Variants in NSMCE4A observed in about 807,000 individuals in gnomAD.
NSMCE4A encodes the protein NSE4A component of SMC5/6 complex.
A neutral mutation model predicts 47.9 loss-of-function variants in NSMCE4A; 40 were observed. The observed-to-expected ratio is 0.83, with a 90% CI of 0.65 to 1.09. The LOEUF (loss-of-function observed/expected upper bound fraction) is 1.09. Ranked by LOEUF, NSMCE4A falls within the 50% of genes least tolerant of loss-of-function variation. The pLI is 0.00. For missense variants in NSMCE4A, 500 were observed against 507.0 expected (o/e 0.99, Z 0.13); for synonymous variants, 166 against 178.5 (o/e 0.93, Z 0.56).
At chr10:121,962,125 AAAT>A (rs1322023023) in intron 6 of NSMCE4A, 13 of 390,634 alleles carry the variant, frequency 3.3e-5, no homozygotes, top group East Asian at 1.8e-4. Flanking sequence ...AAAAAAAAAA[AAAT>A]AGGAACTTGG....
chr10:121,968,906 A>G (rs897492595), intron 3 of NSMCE4A, among the ~76,000 whole-genome samples: 4 of 152,182 alleles, frequency 2.6e-5, no homozygotes, highest in African/African-American at 9.6e-5. Context: ...CTGACAGAGA[A>G]ATCCACCAAT....
At chr10:121,961,874 T>C (rs938862581) in intron 6 of NSMCE4A, 2 of 214,122 alleles carry the variant, frequency 9.3e-6, no homozygotes, top group African/African-American at 4.8e-5. Context: ...AGGCCGATGC[T>C]GGCAGATCAC....
intron 2 of NSMCE4A, among the ~76,000 whole-genome samples, chr10:121,972,251 G>C (rs558922616): frequency 9.2e-5 from 14 of 152,136 alleles, no homozygotes; most frequent in Non-Finnish European, 1.8e-4. Flanking sequence ...TAACCTGGGG[G>C]GGGCAGAGGT....
At chr10:121,959,833 G>A (rs1952466315) in intron 8 of NSMCE4A, 1 of 537,892 alleles carries the variant, frequency 1.9e-6, no homozygotes, top group Non-Finnish European at 3.3e-6. Context: ...CCAGACATTT[G>A]AAAATCTGCA....
intron 10 of NSMCE4A, among the ~76,000 whole-genome samples, 162 bp downstream of exon 10, chr10:121,959,162 C>T (rs951635113): frequency 1.3e-5 from 2 of 152,106 alleles, no homozygotes; most frequent in Non-Finnish European, 2.9e-5. Flanking sequence ...GAGAAGGGAA[C>T]GCAGAACCAC....
intron 4 of NSMCE4A, 107 bp from the exon 5 acceptor site, chr10:121,965,492 A>C (rs1046646945): frequency 1.3e-6 from 1 of 766,202 alleles, no homozygotes; most frequent in African/African-American, 1.7e-5. Flanking sequence ...TTCAGACCAG[A>C]CATCAGTGAT....
chr10:121,963,869 C>G lies in NSMCE4A; in HGVS notation c.754-541G>C, dbSNP rs556758700. 4.0e-5 allele frequency among the ~76,000 whole-genome samples: 6 copies of G among 150,216 alleles called. No individual in the cohort carries two copies. In the South Asian group the frequency reaches 1.3e-3, roughly 32 times the overall value. ...ATCCCTGCGCTGTAGGAGGCTGAGG[C>G]AGGTGGATCACAAGGTCAGGAGTTC... is the stretch of plus-strand genomic sequence containing the variant. On this transcript the variant is annotated intron_variant, in intron 5 of 10. Transcript: ENST00000369023.
Position 121,960,373 on chromosome 10 carries a change from G to A in NSMCE4A, c.973C>T (p.Arg325Ter), listed in dbSNP as rs568726860. 3 of 1,490,128 alleles carry A rather than the reference G, an allele frequency of 2.0e-6. No individual in the cohort carries two copies. Among genetic ancestry groups the A allele is most frequent in the Admixed American group, 2.8e-5 (1 of 35,248 alleles). The allele number at this position is 1,490,128 out of a possible 1,614,324, so 92.3% of individuals were successfully genotyped here. ...GFARIRLDQD[R>*]LPVIEPVSIN... ...TATCATTTACCTATTACTGGCAGTC[G>A]GTCTTGGTCAAGTCTTATTCTTGCA... The change falls in exon 8 of 11, where the codon CGA becomes TGA. Residue 325 changes from arginine to a stop codon, truncating the protein, a stop_gained. Transcript: ENST00000369023. LOFTEE classifies it high-confidence loss of function. This position sits in a 1 kb window ranked among gnomAD's most constrained non-coding sequence, Gnocchi z 4.2.
intron 8 of NSMCE4A, 34 bp from the exon 9 acceptor site, chr10:121,959,629 A>G (rs1952462249): frequency 6.8e-7 from 1 of 1,480,672 alleles, no homozygotes; most frequent in African/African-American, 1.4e-5. Context: ...AATTTATCAA[A>G]GGTTATTAAA....
intron 1 of NSMCE4A, 50 bp downstream of exon 1, chr10:121,974,824 C>A: frequency 2.3e-6 from 3 of 1,323,066 alleles, no homozygotes; most frequent in Non-Finnish European, 2.9e-6. Flanking sequence ...CGGCGCAGGG[C>A]GGGGACAGCG....
Position 121,975,127 on chromosome 10 carries a change from CCGGCCCTCTGGCCCG to C in NSMCE4A, c.24_38del (p.Pro10_Gly14del). On this transcript the variant is annotated inframe_deletion, in exon 1 of 11. Transcript: ENST00000369023. The stretch of plus-strand genomic sequence containing the variant: ...CCCGATGCGGGTCGCGGCCCCGGCC[CCGGCCCTCTGGCCCG>C]CGGCCGCTGCTGTCCCCAGACATAG... 1 of 1,420,220 alleles carries C rather than the reference CCGGCCCTCTGGCCCG, an allele frequency of 7.0e-7. No homozygotes were observed. The highest frequency in any genetic ancestry group is 1.5e-5 in the African/African-American group (1 of 65,988). 88.0% of individuals were successfully genotyped at this position (1,420,220 alleles called of 1,614,324 possible).
intron 2 of NSMCE4A, among the ~76,000 whole-genome samples, chr10:121,972,183 A>G (rs546674642): frequency 8.1e-4 from 124 of 152,214 alleles, no homozygotes; most frequent in Non-Finnish European, 1.6e-3. Flanking sequence ...TTAGCTGGGC[A>G]TGGTGGTGCA....
At chr10:121,963,165 G>T in intron 6 of NSMCE4A, 73 bp downstream of exon 6, 1 of 766,438 alleles carries the variant, frequency 1.3e-6, no homozygotes, top group Non-Finnish European at 2.2e-6. Flanking sequence ...AGCTGAAATT[G>T]CCTTTTAAAT....
At chr10:121,964,434 C>CTGTGCCTGGCCTCAGTAACATTTT (rs1181981117) in intron 5 of NSMCE4A, among the ~76,000 whole-genome samples, 8 of 150,732 alleles carry the variant, frequency 5.3e-5, no homozygotes, top group East Asian at 4.0e-4. Context: ...GCGTAAGCCA[C>CTGTGCCTGGCCTCAGTAACATTTT]CACACTCGGG....
Position 121,960,656 on chromosome 10 carries a change from C to G in NSMCE4A, c.940-250G>C, listed in dbSNP as rs947293798. Among the ~76,000 whole-genome samples the G allele has an allele frequency of 6.6e-6, 1 of 152,196 alleles. No individual in the cohort carries two copies. The highest frequency in any genetic ancestry group is 2.4e-5 in the African/African-American group (1 of 41,454). On this transcript the variant is annotated intron_variant, in intron 7 of 10. Transcript: ENST00000369023. This position sits in a 1 kb window ranked among gnomAD's most constrained non-coding sequence, Gnocchi z 4.2. ...TGAGAATCTCTTAAGTGAAACTCATCTTGTCTCTTTAACTGATTTATACAT... is the reference window on the plus strand; with the variant it reads ...TGAGAATCTCTTAAGTGAAACTCATGTTGTCTCTTTAACTGATTTATACAT...
At chr10:121,965,078 C>T (rs537027919) in intron 5 of NSMCE4A, among the ~76,000 whole-genome samples, 3 of 152,244 alleles carry the variant, frequency 2.0e-5, no homozygotes, top group South Asian at 4.1e-4. Context: ...CTTCGGAGAA[C>T]TGATCAAAAC....
At chr10:121,959,843 A>G in intron 8 of NSMCE4A, 2 of 523,316 alleles carry the variant, frequency 3.8e-6, no homozygotes, top group South Asian at 4.4e-5. Flanking sequence ...GAAAATCTGC[A>G]TATCTATGTG....
chr10:121,974,113 T>G (rs1383617521), intron 1 of NSMCE4A, 32 bp from the exon 2 acceptor site: 1 of 1,546,264 alleles, frequency 6.5e-7, no homozygotes, highest in Admixed American at 1.8e-5. Flanking sequence ...TTGGGAAATT[T>G]GTTCAGCATT....
intron 7 of NSMCE4A, among the ~76,000 whole-genome samples, 199 bp downstream of exon 7, chr10:121,961,224 C>T (rs571416940): frequency 6.6e-6 from 1 of 152,178 alleles, no homozygotes; most frequent in African/African-American, 2.4e-5. Context: ...TAAATAATTT[C>T]TAAAACATAA....
Sources: allele counts gnomAD v4.1 joint callset (sites outside exome capture counted in the v4.1 genomes callset), GRCh38; gene constraint gnomAD v4.1.1; non-coding constraint Gnocchi (gnomAD v3.1); transcripts MANE v1.5; gene names NCBI Gene and HGNC (gene_info 2026-07-23, HGNC 2026-07-21).